LHFPL3: variants seen among roughly 807,000 people sequenced by gnomAD.
LHFPL3 encodes LHFPL tetraspan subfamily member 3, also known as LHFPL tetraspan subfamily member 3 protein.
A neutral mutation model predicts 19.3 loss-of-function variants in LHFPL3; 5 were observed. That is an observed-to-expected ratio of 0.26 (90% CI 0.14 to 0.54). The LOEUF (loss-of-function observed/expected upper bound fraction) is 0.54, where lower values mean the gene tolerates loss of function less well. Ranked by LOEUF, LHFPL3 falls within the 20% of genes least tolerant of loss-of-function variation. The pLI, the probability that LHFPL3 is intolerant of heterozygous loss-of-function variation, is 0.94. For missense variants in LHFPL3, 249 were observed against 307.4 expected, an observed-to-expected ratio of 0.81 and a Z score of 1.42; for synonymous variants, 133 against 126.2, an observed-to-expected ratio of 1.05 and a Z score of -0.36.
In LHFPL3 at chr7:104,440,913, A is replaced by G. The variant is rs1183195262; in HGVS notation, c.445+111689A>G. Among the ~76,000 whole-genome samples, 71 of 152,208 alleles carry G rather than the reference A, an allele frequency of 4.7e-4. 1 individual carries two copies. The highest frequency in any genetic ancestry group is 4.6e-3 in the Admixed American group (71 of 15,280). ...AAAAGACCGTGCATATTTAATGCATATAAATTGATGAATTTAGACATATGC... is the reference window on the plus strand; with the variant it reads ...AAAAGACCGTGCATATTTAATGCATGTAAATTGATGAATTTAGACATATGC... On this transcript the variant is annotated intron_variant, in intron 1 of 2. Coordinates refer to ENST00000424859, the MANE Select transcript of LHFPL3 (RefSeq NM_199000.3).
chr7:104,542,780 G>A (rs1794512183), intron 1 of LHFPL3, among the ~76,000 whole-genome samples: 1 of 152,096 alleles, frequency 6.6e-6, no homozygotes, highest in African/African-American at 2.4e-5. Flanking sequence ...GTATTCATTT[G>A]ACTCAGCAAT....
At chr7:104,692,660 G>A (rs1231546235) in intron 1 of LHFPL3, among the ~76,000 whole-genome samples, 7 of 152,238 alleles carry the variant, frequency 4.6e-5, no homozygotes, top group African/African-American at 1.2e-4. Context: ...CTTACACACG[G>A]TGTTGGGCCT....
intron 2 of LHFPL3, among the ~76,000 whole-genome samples, chr7:104,840,478 T>C (rs1791181172): frequency 1.5e-5 from 1 of 66,066 alleles, no homozygotes; most frequent in Non-Finnish European, 2.6e-5. Context: ...CTTTTCCTTT[T>C]TTTTTTTTTT....
At chr7:104,770,743 C>A (rs929909489) in intron 2 of LHFPL3, among the ~76,000 whole-genome samples, 21 of 152,138 alleles carry the variant, frequency 1.4e-4, no homozygotes, top group African/African-American at 4.8e-4. Flanking sequence ...TTCCAGGCAG[C>A]CACTACCAAG....
At chr7:104,786,789 C>A (rs1789925905) in intron 2 of LHFPL3, among the ~76,000 whole-genome samples, 1 of 151,384 alleles carries the variant, frequency 6.6e-6, no homozygotes, top group Non-Finnish European at 1.5e-5. Flanking sequence ...CTAGTGCAAT[C>A]TAATTCTGCT....
At chr7:104,704,517 T>G (rs1793154629) in intron 1 of LHFPL3, among the ~76,000 whole-genome samples, 2 of 140,290 alleles carry the variant, frequency 1.4e-5, no homozygotes, top group South Asian at 4.3e-4. Flanking sequence ...TCCATGAGGA[T>G]AGAGTACTTT....
At chr7:104,523,191 A>G (rs1350237124) in intron 1 of LHFPL3, among the ~76,000 whole-genome samples, 1 of 152,134 alleles carries the variant, frequency 6.6e-6, no homozygotes, top group East Asian at 1.9e-4. Flanking sequence ...TTTCTGAGTA[A>G]TAATAATCTC....
chr7:104,676,104 G>A (rs189290269), intron 1 of LHFPL3, among the ~76,000 whole-genome samples: 236 of 152,328 alleles, frequency 1.5e-3, no homozygotes, highest in Middle Eastern at 3.4e-3. Context: ...AGAAGACTGA[G>A]AAGTATAGAA....
intron 2 of LHFPL3, among the ~76,000 whole-genome samples, chr7:104,849,740 C>G (rs1455022392): frequency 6.6e-6 from 1 of 152,238 alleles, no homozygotes; most frequent in Non-Finnish European, 1.5e-5. Flanking sequence ...CAGGGCCTCT[C>G]TGTCTAGATT....
chr7:104,580,590 T>TA (rs932083906), intron 1 of LHFPL3, among the ~76,000 whole-genome samples: 3 of 152,242 alleles, frequency 2.0e-5, no homozygotes, highest in Admixed American at 6.6e-5. Flanking sequence ...TGCATAAAGT[T>TA]AGGCATATTA....
intron 2 of LHFPL3, among the ~76,000 whole-genome samples, chr7:104,840,130 A>G (rs1791167457): frequency 6.6e-6 from 1 of 151,990 alleles, no homozygotes; most frequent in African/African-American, 2.4e-5. Context: ...AGATTAGGAA[A>G]CAAATCTATA....
chr7:104,482,956 G>A (rs1030487387), intron 1 of LHFPL3, among the ~76,000 whole-genome samples: 3 of 152,184 alleles, frequency 2.0e-5, no homozygotes, highest in African/African-American at 4.8e-5. Flanking sequence ...ATTGACGTAC[G>A]TGGGATTTCA....
chr7:104,742,561 C>G (rs1237868594), intron 2 of LHFPL3, among the ~76,000 whole-genome samples: 1 of 152,136 alleles, frequency 6.6e-6, no homozygotes, highest in African/African-American at 2.4e-5. Context: ...AAAGATTGTC[C>G]ACTTGGATCA....
In LHFPL3 at chr7:104,666,512, C is replaced by CTTTT. The variant is rs71155514; in HGVS notation, c.446-70139_446-70136dup. Among the ~76,000 whole-genome samples the CTTTT allele has an allele frequency of 5.6e-3, 235 of 42,224 alleles. 59 individuals carry two copies. The highest frequency in any genetic ancestry group is 0.013 in the African/African-American group (170 of 12,718). 27.7% of individuals were successfully genotyped at this position (42,224 alleles called of 152,430 possible). ...TTGCTGAAAATGACAGGATTTCATT[C>CTTTT]TTTTTTTTTTTTTTTTTTTTTTTTT... is the stretch of plus-strand genomic sequence containing the variant. On this transcript the variant is annotated intron_variant, in intron 1 of 2. Coordinates refer to ENST00000424859, the MANE Select transcript of LHFPL3 (RefSeq NM_199000.3).
At chr7:104,646,623 ATAAAT>A (rs942951088) in intron 1 of LHFPL3, among the ~76,000 whole-genome samples, 2 of 152,240 alleles carry the variant, frequency 1.3e-5, no homozygotes, top group African/African-American at 4.8e-5. Context: ...TTGTACTAAA[ATAAAT>A]TAAATGGGAA....
At chr7:104,481,203 C>T (rs1186143797) in intron 1 of LHFPL3, among the ~76,000 whole-genome samples, 1 of 152,182 alleles carries the variant, frequency 6.6e-6, no homozygotes, top group African/African-American at 2.4e-5. Context: ...TGTCATTTCC[C>T]ACCCAGATTG....
At chr7:104,793,748 A>C (rs1279512435) in intron 2 of LHFPL3, among the ~76,000 whole-genome samples, 1 of 152,172 alleles carries the variant, frequency 6.6e-6, no homozygotes, top group Non-Finnish European at 1.5e-5. Context: ...ATTATGATGA[A>C]AATCTGATGT....
intron 2 of LHFPL3, among the ~76,000 whole-genome samples, chr7:104,809,573 A>C (rs1181673936): frequency 1.3e-5 from 2 of 152,202 alleles, no homozygotes; most frequent in Non-Finnish European, 2.9e-5. Context: ...TATTACTAGC[A>C]CTCTCACAAT....
chr7:104,777,151 G>A (rs902778042), intron 2 of LHFPL3, among the ~76,000 whole-genome samples: 1 of 152,188 alleles, frequency 6.6e-6, no homozygotes, highest in Admixed American at 6.5e-5. Flanking sequence ...AGATTAATAT[G>A]TGGCCTTGGG....
Sources: allele counts gnomAD v4.1 joint callset (sites outside exome capture counted in the v4.1 genomes callset), GRCh38; gene constraint gnomAD v4.1.1; transcripts MANE v1.5; gene names NCBI Gene and HGNC (gene_info 2026-07-23, HGNC 2026-07-21).